The following CHN2 variants were observed in gnomAD, a reference collection of about 807,000 sequenced individuals.
The protein encoded by CHN2 is beta-chimaerin.
A neutral mutation model predicts 56.3 loss-of-function variants in CHN2; 35 were observed. The observed-to-expected ratio is 0.62, with a 90% CI of 0.47 to 0.82. CHN2 has a LOEUF of 0.82. CHN2 is among the 40% of genes least tolerant of loss of function. The pLI, the probability that CHN2 is intolerant of heterozygous loss-of-function variation, is 0.00. For missense variants in CHN2, 491 were observed against 580.5 expected, an observed-to-expected ratio of 0.85 and a Z score of 1.58; for synonymous variants, 210 against 212.8, an observed-to-expected ratio of 0.99 and a Z score of 0.12.
At chr7:29,405,617 G>A (rs996403004) in intron 6 of CHN2, among the ~76,000 whole-genome samples, 1 of 152,074 alleles carries the variant, frequency 6.6e-6, no homozygotes, top group Admixed American at 6.5e-5. Context: ...GCCCTCTTTG[G>A]TTTCTACTTT....
intron 6 of CHN2, among the ~76,000 whole-genome samples, chr7:29,410,776 A>G (rs1282049323): frequency 6.6e-6 from 1 of 152,150 alleles, no homozygotes; most frequent in East Asian, 1.9e-4. Context: ...GTAAGGGGAG[A>G]AAAAGTTGAA....
intron 2 of CHN2, among the ~76,000 whole-genome samples, chr7:29,149,104 A>G (rs1204251285): frequency 6.6e-6 from 1 of 150,986 alleles, no homozygotes; most frequent in East Asian, 2.0e-4. Context: ...AGAAAATTAG[A>G]CTGGAGCCAG....
chr7:29,387,419 A>G (rs1801002361), intron 3 of CHN2, among the ~76,000 whole-genome samples: 1 of 152,214 alleles, frequency 6.6e-6, no homozygotes, highest in Non-Finnish European at 1.5e-5. Context: ...TGCAATGAGG[A>G]CAGGCACTCT....
intron 2 of CHN2, among the ~76,000 whole-genome samples, chr7:29,153,368 T>C (rs1793881737): frequency 1.3e-5 from 2 of 152,158 alleles, no homozygotes; most frequent in Non-Finnish European, 2.9e-5. Context: ...GATTTTTTTC[T>C]AGAAAAGTGA....
At position 29,194,905 on chromosome 7, in the gene CHN2, G is replaced by C; in HGVS notation, c.-37G>C. 1 of 1,510,632 alleles carries C rather than the reference G, an allele frequency of 6.6e-7. No homozygotes were observed. The highest frequency in any genetic ancestry group is 1.3e-5 in the South Asian group (1 of 78,902). The allele number at this position is 1,510,632 out of a possible 1,614,324, so 93.6% of individuals were successfully genotyped here. A position where few individuals can be genotyped will look rare whatever the true frequency, so the allele number is the denominator to read the frequency against. ...GGGCAGCGGCGGCGGCGTCCGCACC[G>C]GGGCTGAGCGAGCAGCGACGCGAGG... On this transcript the variant is annotated 5_prime_UTR_variant, in exon 1 of 13. Transcript: ENST00000222792.
intron 6 of CHN2, among the ~76,000 whole-genome samples, chr7:29,410,159 C>T (rs1803065591): frequency 6.6e-6 from 1 of 152,126 alleles, no homozygotes; most frequent in African/African-American, 2.4e-5. Flanking sequence ...AATCATGGGA[C>T]TTTTAAATAA....
At chr7:29,424,993 T>C (rs534614536) in intron 6 of CHN2, among the ~76,000 whole-genome samples, 1 of 152,234 alleles carries the variant, frequency 6.6e-6, no homozygotes, top group Non-Finnish European at 1.5e-5. Context: ...GGCTTGGTGC[T>C]TTGCACCTGC....
intron 6 of CHN2, among the ~76,000 whole-genome samples, chr7:29,430,506 T>G (rs1401251332): frequency 3.3e-5 from 5 of 152,022 alleles, no homozygotes; most frequent in Non-Finnish European, 7.4e-5. Flanking sequence ...AAAATGAAAG[T>G]GAGGTGCAGA....
chr7:29,302,532 G>T (rs1793776508), intron 1 of CHN2, among the ~76,000 whole-genome samples: 1 of 130,124 alleles, frequency 7.7e-6, no homozygotes, highest in African/African-American at 3.1e-5. Flanking sequence ...TAAGAGATAG[G>T]GTCTCACTAT....
intron 1 of CHN2, among the ~76,000 whole-genome samples, chr7:29,267,744 A>G (rs1392008704): frequency 6.6e-6 from 1 of 152,178 alleles, no homozygotes; most frequent in Non-Finnish European, 1.5e-5. Context: ...TGAACAATTT[A>G]AGTTGAATCA....
At chr7:29,319,178 C>G (rs540961730) in intron 1 of CHN2, among the ~76,000 whole-genome samples, 2 of 152,312 alleles carry the variant, frequency 1.3e-5, no homozygotes, top group East Asian at 3.9e-4. Flanking sequence ...ACCATAAACT[C>G]TTATGTACTT....
intron 1 of CHN2, among the ~76,000 whole-genome samples, chr7:29,227,721 A>G (rs1467790349): frequency 6.6e-6 from 1 of 152,116 alleles, no homozygotes; most frequent in Non-Finnish European, 1.5e-5. Context: ...TGGAACCTGA[A>G]TCCAGTAGTG....
chr7:29,460,394 G>T (rs958750867), intron 6 of CHN2, among the ~76,000 whole-genome samples: 1 of 152,198 alleles, frequency 6.6e-6, no homozygotes, highest in African/African-American at 2.4e-5. Flanking sequence ...CCCTGGATTC[G>T]TGCCTCCCTA....
chr7:29,212,720 A>G, intron 1 of CHN2: 1 of 1,597,790 alleles, frequency 6.3e-7, no homozygotes, highest in South Asian at 1.1e-5. Flanking sequence ...ACAGGTGAAG[A>G]CCTGGTTCTA....
intron 6 of CHN2, among the ~76,000 whole-genome samples, chr7:29,446,085 A>G: frequency 6.6e-6 from 1 of 152,182 alleles, no homozygotes; most frequent in East Asian, 1.9e-4. Context: ...TACATCAGAA[A>G]CTCTGGGTAG....
intron 2 of CHN2, among the ~76,000 whole-genome samples, chr7:29,167,308 A>T (rs1796043097): frequency 6.6e-6 from 1 of 152,192 alleles, no homozygotes; most frequent in South Asian, 2.1e-4. Context: ...ATGTTTCTGA[A>T]ATTCAACCAG....
At chr7:29,237,777 G>A (rs1383592088) in intron 1 of CHN2, among the ~76,000 whole-genome samples, 7 of 152,086 alleles carry the variant, frequency 4.6e-5, no homozygotes, top group Admixed American at 4.6e-4. Flanking sequence ...ATGCATATAG[G>A]AGACCAGTGG....
intron 1 of CHN2, among the ~76,000 whole-genome samples, chr7:29,293,943 T>A (rs6975454): frequency 6.7e-6 from 1 of 148,248 alleles, no homozygotes; most frequent in Non-Finnish European, 1.5e-5. Flanking sequence ...CTCGGCTCAC[T>A]GCAAGCTCCG....
chr7:29,455,448 C>CA (rs1259122615), intron 6 of CHN2, among the ~76,000 whole-genome samples: 1 of 152,168 alleles, frequency 6.6e-6, no homozygotes, highest in African/African-American at 2.4e-5. Flanking sequence ...TGCCCAGAGT[C>CA]ACCCAGCTGC....
Sources: allele counts gnomAD v4.1 joint callset (sites outside exome capture counted in the v4.1 genomes callset), GRCh38; gene constraint gnomAD v4.1.1; transcripts MANE v1.5; gene names NCBI Gene and HGNC (gene_info 2026-07-23, HGNC 2026-07-21).